CUX1: variants seen among roughly 807,000 people sequenced by gnomAD.
The protein encoded by CUX1 is protein CASP.
In CUX1, 31 loss-of-function variants were observed where a neutral mutation model predicts 158.8. The observed-to-expected ratio is 0.20, with a 90% CI of 0.15 to 0.26. The LOEUF (loss-of-function observed/expected upper bound fraction) is 0.26, where lower values mean the gene tolerates loss of function less well. CUX1 is among the 10% of genes least tolerant of loss of function. CUX1 has a pLI of 1.00. For synonymous variants in CUX1, 879 were observed against 862.1 expected (o/e 1.02, Z -0.34); for missense variants, 1,589 against 2,014.6 (o/e 0.79, Z 4.04).
intron 16 of CUX1, among the ~76,000 whole-genome samples, chr7:102,199,447 G>A (rs1348568223): frequency 7.2e-5 from 11 of 152,180 alleles, no homozygotes; most frequent in East Asian, 1.9e-4. Context: ...TCATTTCGTC[G>A]GCACGTGTGC....
At chr7:102,028,352 A>C (rs1345889029) in intron 3 of CUX1, among the ~76,000 whole-genome samples, 16 of 152,186 alleles carry the variant, frequency 1.1e-4, no homozygotes, top group Non-Finnish European at 1.5e-5. Flanking sequence ...AAAGGAAGCT[A>C]TGCTCAGAAT....
At chr7:102,222,114 AGCCAGGCGTGGTGGCACACACCTGTG>A (rs1371812689) in intron 20 of CUX1, among the ~76,000 whole-genome samples, 1 of 152,072 alleles carries the variant, frequency 6.6e-6, no homozygotes, top group Non-Finnish European at 1.5e-5. Context: ...TACAAAAATT[AGCCAGGCGTGGTGGCACACACCTGTG>A]GTCCCAGCTA....
intron 3 of CUX1, among the ~76,000 whole-genome samples, chr7:102,057,522 A>G (rs888958486): frequency 6.6e-6 from 1 of 152,220 alleles, no homozygotes; most frequent in African/African-American, 2.4e-5. Flanking sequence ...TGAAATAGCA[A>G]CATGAACAGG....
At chr7:102,093,935 A>G (rs574361213) in intron 4 of CUX1, among the ~76,000 whole-genome samples, 1 of 152,250 alleles carries the variant, frequency 6.6e-6, no homozygotes, top group South Asian at 2.1e-4. Context: ...CCTCCAGACA[A>G]TTCCCTAATT....
chr7:101,894,966 A>C (rs1744153751), intron 1 of CUX1, among the ~76,000 whole-genome samples: 1 of 152,060 alleles, frequency 6.6e-6, no homozygotes, highest in African/African-American at 2.4e-5. Flanking sequence ...CCTGTCTCCA[A>C]GTCTGAGTAC....
At chr7:102,162,707 G>A (rs1048414632) in intron 9 of CUX1, among the ~76,000 whole-genome samples, 18 of 152,096 alleles carry the variant, frequency 1.2e-4, no homozygotes, top group Admixed American at 9.8e-4. Context: ...TAGAGACGGG[G>A]TTTTGCCATG....
At chr7:102,035,330 G>A (rs1172642508) in intron 3 of CUX1, among the ~76,000 whole-genome samples, 1 of 152,086 alleles carries the variant, frequency 6.6e-6, no homozygotes, top group Non-Finnish European at 1.5e-5. Flanking sequence ...GTGAATACCT[G>A]ATGATAAAAT....
chr7:102,054,864 C>G (rs1052027405), intron 3 of CUX1, among the ~76,000 whole-genome samples: 2 of 151,838 alleles, frequency 1.3e-5, no homozygotes, highest in Non-Finnish European at 2.9e-5. Context: ...TCAGTTACTC[C>G]GGAGGCTGTG....
rs538399778 is a variant in CUX1 at position 102,197,827 on chromosome 7, G to A, written c.1894+522G>A. Among the ~76,000 whole-genome samples the A allele has an allele frequency of 6.8e-4, 103 of 152,224 alleles. 1 individual carries two copies. The highest frequency in any genetic ancestry group is 2.8e-3 in the Admixed American group (43 of 15,274). The stretch of plus-strand genomic sequence containing the variant: ...TGGCCACCTTCCCTACATTGTTCAC[G>A]GTCCATTAGTGATTTGTTTAGCATT... On this transcript the variant is annotated intron_variant, in intron 15 of 23. Transcript: ENST00000292535.
At chr7:101,919,981 G>A (rs571146201) in intron 2 of CUX1, among the ~76,000 whole-genome samples, 8 of 152,276 alleles carry the variant, frequency 5.3e-5, no homozygotes, top group South Asian at 2.1e-4. Flanking sequence ...AGGCTGGAGC[G>A]CAGCGGCACG....
chr7:102,073,743 C>G (rs1318331078), intron 4 of CUX1, among the ~76,000 whole-genome samples: 1 of 151,920 alleles, frequency 6.6e-6, no homozygotes, highest in Non-Finnish European at 1.5e-5. Flanking sequence ...CATATTCTGC[C>G]TTTCTCACTT....
At chr7:101,968,607 G>C (rs1811532976) in intron 2 of CUX1, among the ~76,000 whole-genome samples, 1 of 151,852 alleles carries the variant, frequency 6.6e-6, no homozygotes, top group Non-Finnish European at 1.5e-5. Flanking sequence ...ATTTTTAGTA[G>C]AGACAGAATT....
chr7:102,057,027 G>A (rs1284444174), intron 3 of CUX1, among the ~76,000 whole-genome samples: 17 of 151,138 alleles, frequency 1.1e-4, no homozygotes, highest in African/African-American at 2.7e-4. Flanking sequence ...TCAGCCTCCC[G>A]AGTAGCTGGG....
intron 10 of CUX1, among the ~76,000 whole-genome samples, chr7:102,175,376 G>A (rs550688264): frequency 6.6e-6 from 1 of 152,180 alleles, no homozygotes; most frequent in Admixed American, 6.5e-5. Context: ...ACCCCTCAGG[G>A]TGGAAGATTA....
intron 2 of CUX1, among the ~76,000 whole-genome samples, chr7:101,931,156 C>T (rs1806247476): frequency 6.6e-6 from 1 of 152,182 alleles, no homozygotes; most frequent in Admixed American, 6.5e-5. Flanking sequence ...CCATAGGTGT[C>T]CTTATTCCTA....
chr7:102,213,420 G>T (rs1330241203), intron 20 of CUX1, among the ~76,000 whole-genome samples: 2 of 152,236 alleles, frequency 1.3e-5, no homozygotes, highest in Non-Finnish European at 2.9e-5. Flanking sequence ...GGCCAAGCTA[G>T]TATGGAACCA....
chr7:102,235,778 CCACA>C lies in CUX1; in HGVS notation c.3622+1556_3622+1559del, dbSNP rs139509701. ...CCAGCCCACCCCACCCCCGTCCCCG[CCACA>C]CACACACACACACACACGCGCACAC... On this transcript the variant is annotated intron_variant, in intron 22 of 23. Transcript: ENST00000292535. 2.1e-3 allele frequency among the ~76,000 whole-genome samples: 296 copies of C among 141,420 alleles called. 7 individuals are homozygous for C. Among genetic ancestry groups the C allele is most frequent in the Admixed American group, 0.017 (241 of 14,116 alleles). 92.8% of individuals were successfully genotyped at this position (141,420 alleles called of 152,430 possible). A position where few individuals can be genotyped will look rare whatever the true frequency, so the allele number is the denominator to read the frequency against.
intron 8 of CUX1, among the ~76,000 whole-genome samples, chr7:102,117,419 A>AAAAAAG (rs1831544382): frequency 2.0e-5 from 3 of 149,912 alleles, no homozygotes; most frequent in Admixed American, 6.7e-5. Flanking sequence ...AAAAAAAAAA[A>AAAAAAG]GGTCAATATT....
intron 1 of CUX1, among the ~76,000 whole-genome samples, chr7:101,820,776 A>G (rs930595304): frequency 6.6e-6 from 1 of 152,252 alleles, no homozygotes. Context: ...GTTTTGTGTA[A>G]GTAGCAAGCG....
Sources: allele counts gnomAD v4.1 joint callset (sites outside exome capture counted in the v4.1 genomes callset), GRCh38; gene constraint gnomAD v4.1.1; transcripts MANE v1.5; gene names NCBI Gene and HGNC (gene_info 2026-07-23, HGNC 2026-07-21).